Variants in PIGB observed in about 807,000 individuals in gnomAD.
PIGB encodes the protein phosphatidylinositol glycan anchor biosynthesis class B, also known as GPI alpha-1,2-mannosyltransferase 3.
A neutral mutation model predicts 68.4 loss-of-function variants in PIGB; 58 were observed. That is an observed-to-expected ratio of 0.85 (90% CI 0.69 to 1.06). The LOEUF is 1.06. Among genes scored for constraint, PIGB ranks in the 50% least tolerant of loss-of-function variants. PIGB has a pLI of 0.00. For synonymous variants in PIGB, 219 were observed against 220.5 expected (o/e 0.99, Z 0.06); for missense variants, 634 against 655.8 (o/e 0.97, Z 0.36).
At chr15:55,354,153 A>G (rs1241919931) in intron 10 of PIGB, among the ~76,000 whole-genome samples, 1 of 151,856 alleles carries the variant, frequency 6.6e-6, no homozygotes, top group African/African-American at 2.4e-5. Flanking sequence ...CTCTACTAAA[A>G]AAATACAAAA....
At chr15:55,334,480 A>G (rs896237640) in intron 6 of PIGB, among the ~76,000 whole-genome samples, 3 of 152,194 alleles carry the variant, frequency 2.0e-5, no homozygotes, top group African/African-American at 7.2e-5. Context: ...TGAAACCCAC[A>G]TCTTCTAACT....
At chr15:55,355,054 A>G in intron 11 of PIGB, 76 bp downstream of exon 11, 1 of 1,215,096 alleles carries the variant, frequency 8.2e-7, no homozygotes, top group African/African-American at 1.5e-5. Context: ...AGGTAAATAG[A>G]TAATATAACC....
Position 55,340,721 on chromosome 15 carries a change from T to C in PIGB, c.956T>C (p.Ile319Thr), listed in dbSNP as rs573654812. 78 of 1,611,100 alleles carry C rather than the reference T, an allele frequency of 4.8e-5. No homozygotes were observed. Among genetic ancestry groups the C allele is most frequent in the South Asian group, 2.2e-4 (20 of 90,482 alleles). Residue 319 changes from isoleucine (I) to threonine (T), a missense_variant, in exon 8 of 12, where the codon ATC (isoleucine) becomes ACC (threonine). Physicochemically the swap from Ile to Thr is moderately conservative, Grantham distance 89. Transcript: ENST00000164305. Reference sequence around the variant, plus strand: ...TACTTCAGTCAAGGATTTCCAGTTATCTTGGGTACTCACTTACCCTTCTTT... The same window carrying C: ...TACTTCAGTCAAGGATTTCCAGTTACCTTGGGTACTCACTTACCCTTCTTT... ...HWYFSQGFPV[I>T]LGTHLPFFIH...
Position 55,333,958 on chromosome 15 carries a change from C to T in PIGB, c.745C>T (p.Gln249Ter), listed in dbSNP as rs2055480204. 6.2e-7 allele frequency: 1 copy of T among 1,607,144 alleles called. No homozygotes were observed. The highest frequency in any genetic ancestry group is 8.5e-7 in the Non-Finnish European group (1 of 1,177,010). ...ACCTTTGCTCTTCAGACATTTCTGT[C>T]AAGAACCAAGAAAGCTTGATCTTAT... ...WTPLLFRHFC[Q>*]EPRKLDLILH... The change falls in exon 6 of 12, where the codon CAA becomes TAA. Residue 249 changes from glutamine (Q) to a stop codon, truncating the protein, a stop_gained. Transcript: ENST00000164305. LOFTEE classifies it high-confidence loss of function.
chr15:55,353,453 C>T (rs1006884398), intron 10 of PIGB, among the ~76,000 whole-genome samples: 1 of 152,172 alleles, frequency 6.6e-6, no homozygotes, highest in African/African-American at 2.4e-5. Context: ...TAATTACTAA[C>T]TCCATTTCTA....
intron 6 of PIGB, among the ~76,000 whole-genome samples, chr15:55,336,925 C>G (rs12050662): frequency 0.32 from 48,202 of 152,046 alleles, 8,515 homozygotes; most frequent in East Asian, 0.56. Flanking sequence ...CAGAGGTAGA[C>G]GTTGCAATGA....
intron 5 of PIGB, among the ~76,000 whole-genome samples, 167 bp from the exon 6 acceptor site, chr15:55,333,700 C>T (rs2055471916): frequency 6.6e-6 from 1 of 152,276 alleles, no homozygotes; most frequent in African/African-American, 2.4e-5. Flanking sequence ...CCACTGCACT[C>T]CAGCCTGGGT....
intron 5 of PIGB, among the ~76,000 whole-genome samples, chr15:55,333,486 T>C (rs2055466029): frequency 2.0e-5 from 3 of 151,978 alleles, no homozygotes; most frequent in Admixed American, 1.3e-4. Flanking sequence ...ATCCCAGCAC[T>C]TTAGGAGGCT....
At chr15:55,335,295 C>T (rs917552018) in intron 6 of PIGB, among the ~76,000 whole-genome samples, 1 of 152,152 alleles carries the variant, frequency 6.6e-6, no homozygotes, top group Non-Finnish European at 1.5e-5. Context: ...AAGTATTTTT[C>T]GGGTAGCAAT....
Position 55,320,256 on chromosome 15 carries a change from G to T in PIGB, c.164-19G>T, listed in dbSNP as rs770443855. 3 of 1,608,468 alleles carry T rather than the reference G, an allele frequency of 1.9e-6. No homozygotes were observed. Among genetic ancestry groups the T allele is most frequent in the Admixed American group, 3.4e-5 (2 of 59,004 alleles). On this transcript the variant is annotated intron_variant, in intron 1 of 11. Transcript: ENST00000164305. Reference sequence around the variant, plus strand: ...CCTGACTTTTGTGCCACTATTACCTGTTTTGTTCTGTTTTTCAGATCTTCT... The same window carrying T: ...CCTGACTTTTGTGCCACTATTACCTTTTTTGTTCTGTTTTTCAGATCTTCT...
At chr15:55,353,389 A>G (rs2055969984) in intron 10 of PIGB, among the ~76,000 whole-genome samples, 2 of 152,208 alleles carry the variant, frequency 1.3e-5, no homozygotes, top group African/African-American at 2.4e-5. Context: ...ATAAATCACT[A>G]TTAGGTCTTG....
chr15:55,351,593 C>T (rs932675529), intron 10 of PIGB: 3 of 151,382 alleles, frequency 2.0e-5, no homozygotes, highest in Admixed American at 6.6e-5. Flanking sequence ...GATTTTAGGC[C>T]GGGCGCCGTG....
chr15:55,354,463 C>T (rs1476384472), intron 10 of PIGB: 48 of 208,420 alleles, frequency 2.3e-4, no homozygotes, highest in Non-Finnish European at 2.0e-4. Context: ...AGTTAACTTA[C>T]CTGGTCCTGA....
intron 9 of PIGB, among the ~76,000 whole-genome samples, chr15:55,347,758 C>G (rs902089903): frequency 5.3e-5 from 8 of 152,092 alleles, no homozygotes; most frequent in African/African-American, 1.4e-4. Flanking sequence ...CTAAAATGAT[C>G]CATCCTAAAA....
At position 55,340,599 on chromosome 15, in the gene PIGB, T is replaced by G; in HGVS notation, c.847-13T>G. ...TAACACATTTCTATTTATTTTTCCT[T>G]CAACGGTGCCAGTGGACTCTGGTTC... On this transcript the variant is annotated splice_polypyrimidine_tract_variant and intron_variant, in intron 7 of 11. Transcript: ENST00000164305. 6.3e-7 allele frequency: 1 copy of G among 1,584,060 alleles called. No homozygotes were observed. The highest frequency in any genetic ancestry group is 8.6e-7 in the Non-Finnish European group (1 of 1,159,382).
chr15:55,329,967 C>G (rs951612316), intron 5 of PIGB, 113 bp downstream of exon 5: 3 of 660,778 alleles, frequency 4.5e-6, no homozygotes, highest in Non-Finnish European at 5.0e-6. Context: ...GTCATGAGAA[C>G]CACAAATTTT....
intron 3 of PIGB, among the ~76,000 whole-genome samples, chr15:55,325,749 T>G (rs1199609724): frequency 6.6e-6 from 1 of 152,100 alleles, no homozygotes; most frequent in East Asian, 1.9e-4. Flanking sequence ...ACCTCGTCTC[T>G]ACTAAAAATA....
intron 3 of PIGB, among the ~76,000 whole-genome samples, chr15:55,326,973 G>C (rs539488121): frequency 1.2e-3 from 186 of 152,192 alleles, no homozygotes; most frequent in Middle Eastern, 6.8e-3. Context: ...AGTATCATTT[G>C]AGGCAAGATT....
chr15:55,325,487 C>T (rs578143470), intron 3 of PIGB, among the ~76,000 whole-genome samples: 4 of 152,146 alleles, frequency 2.6e-5, no homozygotes, highest in Non-Finnish European at 4.4e-5. Context: ...GATGCTAGTG[C>T]ATAGCATTAG....
Sources: gnomAD v4.1 joint callset for allele counts (sites outside exome capture counted in the v4.1 genomes callset) on GRCh38, gnomAD v4.1.1 for gene constraint, MANE v1.5 for transcripts, NCBI Gene and HGNC (gene_info 2026-07-23, HGNC 2026-07-21) for gene names.